ZNF425: variants seen among roughly 807,000 people sequenced by gnomAD.
ZNF425 encodes the protein zinc finger protein 425.
Under a neutral mutation model 17.0 loss-of-function variants are expected in ZNF425, and 21 were observed. That is an observed-to-expected ratio of 1.23 (90% CI 0.88 to 1.78). The LOEUF (loss-of-function observed/expected upper bound fraction) is 1.78, where lower values mean the gene tolerates loss of function less well. Among genes scored for constraint, ZNF425 ranks in the 40% most tolerant of loss-of-function variants. ZNF425 has a pLI of 0.00. For synonymous variants in ZNF425, 433 were observed against 384.1 expected, an observed-to-expected ratio of 1.13 and a Z score of -1.49; for missense variants, 868 against 967.3, an observed-to-expected ratio of 0.90 and a Z score of 1.36.
chr7:149,105,776 A>G (rs186283080), intron 3 of ZNF425, among the ~76,000 whole-genome samples: 6,753 of 151,306 alleles, frequency 0.045, 508 homozygotes, highest in African/African-American at 0.15. Flanking sequence ...TCAGCCTCCC[A>G]AGTAGCTGGG....
chr7:149,123,649 A>C (rs1826396316), intron 1 of ZNF425, among the ~76,000 whole-genome samples: 1 of 152,030 alleles, frequency 6.6e-6, no homozygotes, highest in Non-Finnish European at 1.5e-5. Context: ...CTTCTGTCTC[A>C]GCCTCCCGAG....
intron 1 of ZNF425, among the ~76,000 whole-genome samples, chr7:149,123,230 CAT>C (rs1212640306): frequency 6.6e-6 from 1 of 152,158 alleles, no homozygotes; most frequent in Admixed American, 6.6e-5. Context: ...AGCAACAGAA[CAT>C]GTGTAACTTT....
Position 149,112,272 on chromosome 7 carries a change from A to C in ZNF425, c.169T>G (p.Leu57Val). The change falls in exon 3 of 4, where the codon TTG becomes GTG. Residue 57 changes from leucine (L) to valine (V), a missense_variant. Leu to Val is a conservative substitution (Grantham distance 32). Transcript: ENST00000378061. ...CTCCCTTGTTCCATCCATGTGATCA[A>C]ATCTGGCTTGGAAAAAGCATACCCT... ...SLGYAFSKPDLITWMEQGRML... is the reference protein window; with the variant it reads ...SLGYAFSKPDVITWMEQGRML... 1.2e-6 allele frequency: 2 copies of C among 1,613,884 alleles called. No homozygotes were observed. Among genetic ancestry groups the C allele is most frequent in the South Asian group, 1.1e-5 (1 of 91,010 alleles).
Position 149,104,430 on chromosome 7 carries a change from G to A in ZNF425, c.1441C>T (p.Arg481Trp), listed in dbSNP as rs773643036. The A allele has an allele frequency of 6.2e-6, 10 of 1,601,282 alleles. No individual in the cohort carries two copies. Among genetic ancestry groups the A allele is most frequent in the Middle Eastern group, 1.7e-4 (1 of 6,010 alleles). Residue 481 changes from arginine (R) to tryptophan (W), a missense_variant, in exon 4 of 4, where the codon CGG becomes TGG. This residue lies in a region of ZNF425 where 437 missense variants were observed against 444.2 expected (regional missense o/e 0.98). Coordinates refer to ENST00000378061, the MANE Select transcript of ZNF425 (RefSeq NM_001001661.3). The surrounding 1 kb of genome is among the most constrained non-coding windows in gnomAD (Gnocchi z 4.3). ...PCAECGKRFT[R>W]PSKLACHTRV... ...GTGTGGCAGGCGAGCTTGGAAGGCCGCGTGAAGCGCTTGCCGCACTCGGCG... is the reference window on the plus strand; with the variant it reads ...GTGTGGCAGGCGAGCTTGGAAGGCCACGTGAAGCGCTTGCCGCACTCGGCG...
chr7:149,112,080 C>A, intron 3 of ZNF425, 57 bp downstream of exon 3: 1 of 1,542,034 alleles, frequency 6.5e-7, no homozygotes, highest in Non-Finnish European at 8.8e-7. Context: ...AAGAAAGATT[C>A]AGGAAACAAG....
rs749767822 is a variant in ZNF425, at chr7:149,103,952, C to T, written c.1919G>A (p.Cys640Tyr). The T allele has an allele frequency of 3.7e-6, 6 of 1,614,130 alleles. No individual in the cohort carries two copies. Among genetic ancestry groups the T allele is most frequent in the Non-Finnish European group, 5.1e-6 (6 of 1,180,048 alleles). The change falls in exon 4 of 4, where the codon TGT (cysteine) becomes TAT (tyrosine). Residue 640 changes from cysteine to tyrosine, a missense_variant. By Grantham distance (194) the Cys-to-Tyr change is radical. Around this residue, in one of 5 missense-constraint regions of ZNF425, gnomAD observed 437 missense variants for 444.2 expected, o/e 0.98. Transcript: ENST00000378061. The stretch of plus-strand genomic sequence containing the variant: ...AGTGAAACTTTTGCCGCACATCACA[C>T]AAGAGAATGGCTTTTGGCCACTGTG... ...LQHSGQKPFSCVMCGKSFTQQ... is the reference protein window; with the variant it reads ...LQHSGQKPFSYVMCGKSFTQQ...
At chr7:149,114,966 A>C (rs1444070447) in intron 2 of ZNF425, among the ~76,000 whole-genome samples, 1 of 102,492 alleles carries the variant, frequency 9.8e-6, no homozygotes. Flanking sequence ...ACAGAGTCTT[A>C]CTCTGTCACC....
At chr7:149,124,304 C>G (rs974875276) in intron 1 of ZNF425, among the ~76,000 whole-genome samples, 2 of 150,504 alleles carry the variant, frequency 1.3e-5, no homozygotes, top group African/African-American at 4.9e-5. Flanking sequence ...TACAGGCCCC[C>G]GCCACCACGC....
intron 1 of ZNF425, 116 bp from the exon 2 acceptor site, chr7:149,118,464 C>A: frequency 1.6e-6 from 2 of 1,255,148 alleles, no homozygotes; most frequent in South Asian, 1.4e-5. Context: ...CTGGATGGTG[C>A]CATATTATAA....
At chr7:149,120,488 TC>T in intron 1 of ZNF425, among the ~76,000 whole-genome samples, 1 of 152,358 alleles carries the variant, frequency 6.6e-6, no homozygotes, top group African/African-American at 2.4e-5. Context: ...ATCCAAGTTG[TC>T]ATGTTTACCA....
rs755142487 is a variant in ZNF425, at chr7:149,104,486, C to T, written c.1385G>A (p.Arg462His). 3.8e-6 allele frequency: 6 copies of T among 1,594,064 alleles called. No homozygotes were observed. The highest frequency in any genetic ancestry group is 5.1e-6 in the Non-Finnish European group (6 of 1,172,110). The change falls in exon 4 of 4, where the codon CGC (arginine) becomes CAC (histidine). Residue 462 changes from arginine to histidine, a missense_variant. Physicochemically the swap from Arg to His is conservative, Grantham distance 29. Around this residue, in one of 5 missense-constraint regions of ZNF425, gnomAD observed 437 missense variants for 444.2 expected, o/e 0.98. Transcript: ENST00000378061. The surrounding 1 kb of genome is among the most constrained non-coding windows in gnomAD (Gnocchi z 4.3). The part of the protein sequence containing the change: ...FWRNAMRAHQ[R>H]LHSEQKPFPC... Reference sequence around the variant, plus strand: ...GAAGGGCTTTTGCTCGCTGTGCAGGCGCTGGTGGGCGCGCATGGCGTTCCT... The same window carrying T: ...GAAGGGCTTTTGCTCGCTGTGCAGGTGCTGGTGGGCGCGCATGGCGTTCCT...
At chr7:149,125,719 T>C in intron 1 of ZNF425, 1 of 207,680 alleles carries the variant, frequency 4.8e-6, no homozygotes, top group Non-Finnish European at 9.8e-6. Context: ...TTGCCCAGGC[T>C]GGAGGGCAGT....
intron 1 of ZNF425, 142 bp from the exon 2 acceptor site, chr7:149,118,490 G>C (rs1826302807): frequency 1.9e-6 from 2 of 1,044,908 alleles, no homozygotes; most frequent in South Asian, 1.5e-5. Context: ...ACAACAAAGG[G>C]GTCACAAATA....
chr7:149,111,521 G>A (rs2129518047), intron 3 of ZNF425, among the ~76,000 whole-genome samples: 1 of 144,984 alleles, frequency 6.9e-6, no homozygotes, highest in Admixed American at 7.1e-5. Flanking sequence ...GAACCCGGGA[G>A]GCAGAGGTTG....
intron 1 of ZNF425, 69 bp downstream of exon 1, chr7:149,126,127 G>GA: frequency 1.9e-6 from 3 of 1,609,374 alleles, no homozygotes; most frequent in Non-Finnish European, 2.5e-6. Flanking sequence ...CCTGGACGCG[G>GA]ACCCCAATCC....
Position 149,112,283 on chromosome 7 carries a change from G to C in ZNF425, c.158C>G (p.Ser53Cys), listed in dbSNP as rs768006522. The C allele has an allele frequency of 6.2e-7, 1 of 1,612,876 alleles. No individual in the cohort carries two copies. The highest frequency in any genetic ancestry group is 1.1e-5 in the South Asian group (1 of 90,860). Residue 53 changes from serine (S) to cysteine (C), a missense_variant, in exon 3 of 4, where the codon TCC becomes TGC. Ser to Cys is a moderately radical substitution (Grantham distance 112). Around this residue, in one of 5 missense-constraint regions of ZNF425, gnomAD observed 179 missense variants for 216.3 expected, o/e 0.83. Transcript: ENST00000378061. ...CATCCATGTGATCAAATCTGGCTTG[G>C]AAAAAGCATACCCTGCAAATAGAGT... is the stretch of plus-strand genomic sequence containing the variant. ...ETLDSLGYAF[S>C]KPDLITWMEQ...
At chr7:149,122,433 C>T (rs534194963) in intron 1 of ZNF425, among the ~76,000 whole-genome samples, 1 of 151,920 alleles carries the variant, frequency 6.6e-6, no homozygotes, top group South Asian at 2.1e-4. Context: ...TTTATGTAGT[C>T]TAGACAGGAG....
At position 149,104,272 on chromosome 7, in the gene ZNF425, G is replaced by A; in HGVS notation, c.1599C>T (p.Arg533=). The A allele has an allele frequency of 1.2e-6, 2 of 1,613,550 alleles. No homozygotes were observed. The highest frequency in any genetic ancestry group is 1.7e-6 in the Non-Finnish European group (2 of 1,179,842). The change falls in exon 4 of 4, where the codon CGC becomes CGT. Residue 533 remains arginine, a synonymous_variant. Transcript: ENST00000378061. The surrounding 1 kb of genome is among the most constrained non-coding windows in gnomAD (Gnocchi z 4.3). ...TGAGATGCGCGCGTCGGCGGAAACT[G>A]CGGCCGCACTCGGCGCAGGAGAACG... The part of the protein sequence containing the change: ...EKPFSCAECG[R]SFRRRAHLTE...
At chr7:149,125,337 A>C (rs1012993895) in intron 1 of ZNF425, among the ~76,000 whole-genome samples, 1 of 152,270 alleles carries the variant, frequency 6.6e-6, no homozygotes, top group African/African-American at 2.4e-5. Context: ...TCAAACTCTA[A>C]AACCGGTGCT....
Sources: allele counts gnomAD v4.1 joint callset (sites outside exome capture counted in the v4.1 genomes callset), GRCh38; gene constraint gnomAD v4.1.1; regional missense constraint gnomAD v4.1.1; non-coding constraint Gnocchi (gnomAD v3.1); transcripts MANE v1.5; gene names NCBI Gene and HGNC (gene_info 2026-07-23, HGNC 2026-07-21).